BIRC6: variants seen among roughly 807,000 people sequenced by gnomAD.
The protein encoded by BIRC6 is baculoviral IAP repeat containing 6.
Under a neutral mutation model 503.3 loss-of-function variants are expected in BIRC6, and 98 were observed. The observed-to-expected ratio is 0.19, with a 90% CI of 0.17 to 0.23. The LOEUF (loss-of-function observed/expected upper bound fraction) is 0.23. Ranked by LOEUF, BIRC6 falls within the 10% of genes least tolerant of loss-of-function variation. The pLI, the probability that BIRC6 is intolerant of heterozygous loss-of-function variation, is 1.00. For synonymous variants in BIRC6, 2,240 were observed against 2,078.7 expected (o/e 1.08, Z -2.11); for missense variants, 5,360 against 5,806.0 (o/e 0.92, Z 2.50).
chr2:32,470,759 G>A (rs1444613725), intron 31 of BIRC6, among the ~76,000 whole-genome samples: 2 of 152,114 alleles, frequency 1.3e-5, no homozygotes, highest in Non-Finnish European at 2.9e-5. Flanking sequence ...AGTTTATATA[G>A]TCCATTTTGG....
intron 61 of BIRC6, among the ~76,000 whole-genome samples, chr2:32,539,861 A>G (rs2057523795): frequency 6.6e-6 from 1 of 152,114 alleles, no homozygotes; most frequent in Non-Finnish European, 1.5e-5. Context: ...AAAGTCGTAC[A>G]TTTTGTCTTT....
chr2:32,469,593 T>G lies in BIRC6; in HGVS notation c.6326T>G (p.Leu2109Arg), dbSNP rs1457995604. ...VLQELYNSEQ[L>R]LIFPQDRVFM... ...CAGGAATTGTACAATTCGGAACAGC[T>G]TCTCATCTTTCCACAGGATAGGTAG... is the stretch of plus-strand genomic sequence containing the variant. Residue 2109 changes from leucine to arginine, a missense_variant, in exon 30 of 74, where the codon CTT becomes CGT. Leu to Arg is a moderately radical substitution (Grantham distance 102). This residue lies in a region of BIRC6 where 2,299 missense variants were observed against 2,267.2 expected (regional missense o/e 1.01). Transcript: ENST00000421745. The G allele has an allele frequency of 6.2e-7, 1 of 1,613,262 alleles. No homozygotes were observed. Among genetic ancestry groups the G allele is most frequent in the Non-Finnish European group, 8.5e-7 (1 of 1,179,408 alleles).
intron 4 of BIRC6, 84 bp from the exon 5 acceptor site, chr2:32,391,955 A>G (rs1231186279): frequency 1.1e-6 from 1 of 905,292 alleles, no homozygotes; most frequent in Non-Finnish European, 1.6e-6. Flanking sequence ...ATAACCCAGT[A>G]AAATTATTTT....
At chr2:32,611,022 G>C (rs958066438) in intron 72 of BIRC6, among the ~76,000 whole-genome samples, 2 of 152,096 alleles carry the variant, frequency 1.3e-5, no homozygotes, top group African/African-American at 4.8e-5. Flanking sequence ...ACCACACCGG[G>C]CCATAAATTT....
chr2:32,467,571 G>T lies in BIRC6; in HGVS notation c.5403G>T (p.Leu1801Phe), dbSNP rs1558809693. The change falls in exon 27 of 74, where the codon TTG becomes TTT. Residue 1801 changes from leucine to phenylalanine, a missense_variant. Physicochemically the swap from Leu to Phe is conservative, Grantham distance 22. Around this residue, in one of 16 missense-constraint regions of BIRC6, gnomAD observed 2,299 missense variants for 2,267.2 expected, o/e 1.01. Transcript: ENST00000421745. The stretch of plus-strand genomic sequence containing the variant: ...TGGATTTTGGGAGGCCTATATTGTT[G>T]ACTGATGTATTGATTCCCACTTGTG... Reference protein sequence around the residue: ...VTLDFGRPILLTDVLIPTCGD... With the variant: ...VTLDFGRPILFTDVLIPTCGD... The T allele has an allele frequency of 1.2e-6, 2 of 1,613,884 alleles. No individual in the cohort carries two copies. Among genetic ancestry groups the T allele is most frequent in the South Asian group, 2.2e-5 (2 of 91,050 alleles).
intron 1 of BIRC6, among the ~76,000 whole-genome samples, chr2:32,374,419 G>A (rs1426346502): frequency 2.0e-5 from 3 of 151,620 alleles, no homozygotes; most frequent in African/African-American, 7.3e-5. Context: ...CCACCTCAGT[G>A]TCCGAGTAGC....
At chr2:32,462,394 A>C (rs1248722517) in intron 23 of BIRC6, among the ~76,000 whole-genome samples, 1 of 152,234 alleles carries the variant, frequency 6.6e-6, no homozygotes, top group Non-Finnish European at 1.5e-5. Context: ...TAACAATGAA[A>C]TGGAAAATCA....
At chr2:32,547,815 A>G in intron 63 of BIRC6, 35 bp from the exon 64 acceptor site, 1 of 1,479,554 alleles carries the variant, frequency 6.8e-7, no homozygotes, top group Non-Finnish European at 9.0e-7. Context: ...AGCAAAAACA[A>G]ATTGTAATGG....
At chr2:32,525,684 T>C in intron 59 of BIRC6, 56 bp downstream of exon 59, 1 of 1,524,576 alleles carries the variant, frequency 6.6e-7, no homozygotes, top group Non-Finnish European at 8.9e-7. Flanking sequence ...TAAAACTATG[T>C]AAATCAGAGG....
At chr2:32,383,559 T>C (rs2038004471) in intron 3 of BIRC6, among the ~76,000 whole-genome samples, 1 of 151,622 alleles carries the variant, frequency 6.6e-6, no homozygotes, top group Non-Finnish European at 1.5e-5. Context: ...TTTTTTGAGA[T>C]GGAGTCTCAC....
Position 32,612,298 on chromosome 2 carries a change from G to T in BIRC6, c.14394+716G>T, listed in dbSNP as rs568452714. 3.3e-5 allele frequency among the ~76,000 whole-genome samples: 5 copies of T among 152,264 alleles called. No homozygotes were observed. In the South Asian group the frequency reaches 6.2e-4, roughly 19 times the overall value. ...CTGATGGTGGCAGTGGCTGTGTTAG[G>T]GGAGAAAGCAGTTGTTTTCAGTTTG... is the stretch of plus-strand genomic sequence containing the variant. On this transcript the variant is annotated intron_variant, in intron 73 of 73. Transcript: ENST00000421745.
intron 10 of BIRC6, among the ~76,000 whole-genome samples, chr2:32,427,375 C>T (rs572696531): frequency 7.7e-4 from 117 of 152,010 alleles, no homozygotes; most frequent in Non-Finnish European, 1.5e-3. Flanking sequence ...CTCTGCCTCC[C>T]GGGTTCAAGC....
chr2:32,577,228 A>G (rs747148748), intron 66 of BIRC6, among the ~76,000 whole-genome samples: 7 of 152,104 alleles, frequency 4.6e-5, no homozygotes, highest in Non-Finnish European at 1.0e-4. Context: ...CAGTATATCA[A>G]TATGTATAAT....
rs2055325149 is a variant in BIRC6, at chr2:32,518,669, C to T, written c.11494-148C>T. ...GAGTGATAATGCAAAAGTTGACCAA[C>T]AAATCATGGCAACTATGCCATATCT... On this transcript the variant is annotated intron_variant, in intron 56 of 73. Coordinates refer to ENST00000421745, the MANE Select transcript of BIRC6 (RefSeq NM_016252.4). 3.8e-6 allele frequency: 4 copies of T among 1,053,996 alleles called. No individual in the cohort carries two copies. In the South Asian group the frequency reaches 7.1e-5, roughly 19 times the overall value. 65.3% of individuals were successfully genotyped at this position (1,053,996 alleles called of 1,614,324 possible).
At position 32,515,302 on chromosome 2, in the gene BIRC6, A is replaced by G; in HGVS notation, c.10881A>G (p.Leu3627=). The part of the protein sequence containing the change: ...SQSPEAIKQL[L]DSGLPSLLVR... Reference sequence around the variant, plus strand: ...CTCCTGAAGCTATTAAACAATTACTAGACTCAGGTTTGCCTTCTCTTCTTG... The same window carrying G: ...CTCCTGAAGCTATTAAACAATTACTGGACTCAGGTTTGCCTTCTCTTCTTG... Residue 3627 remains leucine (L), a synonymous_variant, in exon 55 of 74, where the codon CTA becomes CTG. Transcript: ENST00000421745. 2 of 1,613,926 alleles carry G rather than the reference A, an allele frequency of 1.2e-6. No homozygotes were observed. Among genetic ancestry groups the G allele is most frequent in the East Asian group, 2.2e-5 (1 of 44,882 alleles).
intron 38 of BIRC6, among the ~76,000 whole-genome samples, chr2:32,481,759 C>CTT (rs1412503512): frequency 6.7e-6 from 1 of 150,210 alleles, no homozygotes; most frequent in African/African-American, 2.5e-5. Context: ...GAACGAGACT[C>CTT]TGTCTCAAAA....
In BIRC6 at chr2:32,535,937, TC is replaced by T. The variant is rs749139738; in HGVS notation, c.12291+4388del. On this transcript the variant is annotated intron_variant, in intron 61 of 73. Transcript: ENST00000421745. ...AGTCCCACCAACGGTGTAAAAGTGT[TC>T]CTATTTCTCCACATCCTCTCCAGCA... Among the ~76,000 whole-genome samples the T allele has an allele frequency of 5.3e-5, 8 of 152,318 alleles. No homozygotes were observed. The East Asian group carries it at 1.5e-3, about 29-fold the overall frequency.
chr2:32,419,460 TAAA>T lies in BIRC6; in HGVS notation c.2872+3301_2872+3303del, dbSNP rs568523269. On this transcript the variant is annotated intron_variant, in intron 10 of 73. Coordinates refer to ENST00000421745, the MANE Select transcript of BIRC6 (RefSeq NM_016252.4). ...ATAAAATTTTGTAAAAGGCATAAAA[TAAA>T]AAAGTATGAATTTCAAAAATTGAGA... Among the ~76,000 whole-genome samples the T allele has an allele frequency of 5.5e-3, 835 of 152,038 alleles. 11 individuals are homozygous for T. The highest frequency in any genetic ancestry group is 0.019 in the African/African-American group (777 of 41,488).
chr2:32,464,134 C>T (rs945869580), intron 24 of BIRC6, among the ~76,000 whole-genome samples: 1 of 152,180 alleles, frequency 6.6e-6, no homozygotes, highest in East Asian at 1.9e-4. Context: ...GGTTGAGGAC[C>T]GCTGGTTTAA....
Sources: allele counts gnomAD v4.1 joint callset (sites outside exome capture counted in the v4.1 genomes callset), GRCh38; gene constraint gnomAD v4.1.1; regional missense constraint gnomAD v4.1.1; transcripts MANE v1.5; gene names NCBI Gene and HGNC (gene_info 2026-07-23, HGNC 2026-07-21).